ANKRD11: variants seen among roughly 807,000 people sequenced by gnomAD.
ANKRD11 encodes ankyrin repeat domain-containing protein 11.
A neutral mutation model predicts 195.7 loss-of-function variants in ANKRD11; 17 were observed. The ratio of observed to expected loss-of-function variants is 0.09; its 90% CI spans 0.06 to 0.13. The LOEUF (loss-of-function observed/expected upper bound fraction) is 0.13. Ranked by LOEUF, ANKRD11 falls within the 10% of genes least tolerant of loss-of-function variation. ANKRD11 has a pLI of 1.00. For missense variants in ANKRD11, 3,735 were observed against 3,566.1 expected (o/e 1.05, Z -1.21); for synonymous variants, 1,953 against 1,528.1 (o/e 1.28, Z -6.49).
chr16:89,475,526 G>A (rs1453093937), intron 1 of ANKRD11, among the ~76,000 whole-genome samples: 1 of 152,156 alleles, frequency 6.6e-6, no homozygotes, highest in African/African-American at 2.4e-5. Context: ...AAAGAACTAG[G>A]TAGAAGACAT....
chr16:89,277,656 G>A (rs988182231), intron 9 of ANKRD11: 1 of 152,314 alleles, frequency 6.6e-6, no homozygotes, highest in Non-Finnish European at 1.5e-5. Flanking sequence ...GGGGACGGCT[G>A]GGGTCAGGCT....
At chr16:89,463,965 A>G (rs546380113) in intron 1 of ANKRD11, among the ~76,000 whole-genome samples, 2 of 152,368 alleles carry the variant, frequency 1.3e-5, no homozygotes, top group East Asian at 3.8e-4. Context: ...AACGCCAGGC[A>G]CAGTGGTTCA....
At chr16:89,367,295 T>C (rs551513844) in intron 2 of ANKRD11, among the ~76,000 whole-genome samples, 7 of 152,332 alleles carry the variant, frequency 4.6e-5, no homozygotes, top group Non-Finnish European at 1.0e-4. Context: ...CAGGGGCCAG[T>C]GCTGGCCCAG....
intron 2 of ANKRD11, among the ~76,000 whole-genome samples, chr16:89,333,871 G>C (rs1430498892): frequency 6.6e-6 from 1 of 152,176 alleles, no homozygotes; most frequent in Non-Finnish European, 1.5e-5. Context: ...CTGTGAGTAT[G>C]TTCCCAGTAT....
chr16:89,284,937 G>A lies in ANKRD11; in HGVS notation c.1605C>T (p.Asn535=). The A allele has an allele frequency of 6.2e-7, 1 of 1,614,188 alleles. No homozygotes were observed. Among genetic ancestry groups the A allele is most frequent in the East Asian group, 2.2e-5 (1 of 44,876 alleles). The change falls in exon 9 of 13, where the codon AAC becomes AAT. Residue 535 remains asparagine (N), a synonymous_variant. Coordinates refer to ENST00000301030, the MANE Select transcript of ANKRD11 (RefSeq NM_013275.6). ...SHGSSAAQKQ[N]PSHTDQHTKH... ...TGGTGTGCTGGTCTGTGTGGCTGGG[G>A]TTCTGCTTCTGGGCGGCAGAGCTCC...
chr16:89,411,192 G>A (rs1007265661), intron 2 of ANKRD11, among the ~76,000 whole-genome samples: 2 of 152,244 alleles, frequency 1.3e-5, no homozygotes, highest in Admixed American at 1.3e-4. Context: ...CTCCATGACG[G>A]TGCCCTCCAC....
rs549533803 is a variant in ANKRD11 at position 89,278,646 on chromosome 16, G to A, written c.7470+426C>T. 3 of 463,724 alleles carry A rather than the reference G, an allele frequency of 6.5e-6. No homozygotes were observed. The East Asian group carries it at 2.0e-4, about 32-fold the overall frequency. 28.7% of individuals were successfully genotyped at this position (463,724 alleles called of 1,614,324 possible). ...GTGGGGGAAGGGACTCATCGTGCAGGTATGGAGGCTCAGGGAACCCACGCG... is the reference window on the plus strand; with the variant it reads ...GTGGGGGAAGGGACTCATCGTGCAGATATGGAGGCTCAGGGAACCCACGCG... On this transcript the variant is annotated intron_variant, in intron 9 of 12. Transcript: ENST00000301030.
intron 1 of ANKRD11, among the ~76,000 whole-genome samples, chr16:89,437,846 G>A (rs902209220): frequency 6.6e-6 from 1 of 152,162 alleles, no homozygotes; most frequent in Non-Finnish European, 1.5e-5. Context: ...GCTATGCCCA[G>A]TTCAATCTCC....
chr16:89,313,285 G>A, intron 3 of ANKRD11: 2 of 1,279,098 alleles, frequency 1.6e-6, no homozygotes, highest in Non-Finnish European at 2.0e-6. Context: ...CCATGGGGTG[G>A]GGACGACACT....
intron 11 of ANKRD11, chr16:89,271,669 G>A (rs72821345): frequency 0.039 from 5,934 of 153,096 alleles, 176 homozygotes; most frequent in Non-Finnish European, 0.06. Flanking sequence ...TTCCGTAAAC[G>A]GTGCTGGGAA....
At position 89,305,662 on chromosome 16, in the gene ANKRD11, C is replaced by G. The variant is rs1017698179; in HGVS notation, c.88-318G>C. On this transcript the variant is annotated intron_variant, in intron 3 of 12. Coordinates refer to ENST00000301030, the MANE Select transcript of ANKRD11 (RefSeq NM_013275.6). ...CGCTACCTCTCACTCCGCAGACACG[C>G]GCTACCTCCCACTCCGCAGACACGC... Among the ~76,000 whole-genome samples the G allele has an allele frequency of 2.0e-5, 3 of 147,702 alleles. No homozygotes were observed. In the Admixed American group the frequency reaches 2.0e-4, roughly 10 times the overall value.
intron 2 of ANKRD11, among the ~76,000 whole-genome samples, chr16:89,381,670 AC>A (rs2040662709): frequency 6.6e-6 from 1 of 152,164 alleles, no homozygotes; most frequent in Non-Finnish European, 1.5e-5. Flanking sequence ...ACAGAAACCC[AC>A]CTTCAGAACT....
At chr16:89,388,601 G>A (rs2041033038) in intron 2 of ANKRD11, among the ~76,000 whole-genome samples, 1 of 152,152 alleles carries the variant, frequency 6.6e-6, no homozygotes, top group South Asian at 2.1e-4. Context: ...AGGATCACTG[G>A]AAAATATTTG....
At chr16:89,321,296 G>A (rs1037095279) in intron 2 of ANKRD11, 1 of 151,782 alleles carries the variant, frequency 6.6e-6, no homozygotes, top group African/African-American at 2.4e-5. Context: ...GCAGGCACTG[G>A]TGGGGAATCC....
chr16:89,405,490 CA>C (rs1378248962), intron 2 of ANKRD11, among the ~76,000 whole-genome samples: 1 of 141,030 alleles, frequency 7.1e-6, no homozygotes, highest in Non-Finnish European at 1.5e-5. Context: ...ACACCTGGCT[CA>C]TTTTTTTTTT....
At chr16:89,471,466 G>A (rs1476968055) in intron 1 of ANKRD11, among the ~76,000 whole-genome samples, 3 of 151,874 alleles carry the variant, frequency 2.0e-5, no homozygotes, top group Admixed American at 6.6e-5. Context: ...AAAGCTTCAG[G>A]TAACAAATTA....
At chr16:89,292,692 G>A (rs2091565248) in intron 4 of ANKRD11, among the ~76,000 whole-genome samples, 1 of 152,236 alleles carries the variant, frequency 6.6e-6, no homozygotes, top group South Asian at 2.1e-4. Flanking sequence ...ACAGATCTGA[G>A]AAAGCACTTG....
At chr16:89,305,431 G>T in intron 3 of ANKRD11, 87 bp from the exon 4 acceptor site, 2 of 1,576,596 alleles carry the variant, frequency 1.3e-6, no homozygotes, top group Non-Finnish European at 1.7e-6. Flanking sequence ...CAGGAGAAGC[G>T]CATCTCTTAT....
chr16:89,377,455 A>T (rs993237654), intron 2 of ANKRD11, among the ~76,000 whole-genome samples: 3 of 149,044 alleles, frequency 2.0e-5, no homozygotes, highest in African/African-American at 7.5e-5. Flanking sequence ...GATCATGAAG[A>T]GACTGCGGAC....
Sources: allele counts gnomAD v4.1 joint callset (sites outside exome capture counted in the v4.1 genomes callset), GRCh38; gene constraint gnomAD v4.1.1; transcripts MANE v1.5; gene names NCBI Gene and HGNC (gene_info 2026-07-23, HGNC 2026-07-21).